The following STRAP variants were observed in gnomAD, a reference collection of about 807,000 sequenced individuals.
STRAP encodes serine/threonine kinase receptor associated protein.
Under a neutral mutation model 47.0 loss-of-function variants are expected in STRAP, and 16 were observed. The observed-to-expected ratio is 0.34, with a 90% CI of 0.23 to 0.52. The LOEUF is 0.52. Among genes scored for constraint, STRAP ranks in the 20% least tolerant of loss-of-function variants. The pLI is 0.96. For synonymous variants in STRAP, 130 were observed against 142.7 expected, an observed-to-expected ratio of 0.91 and a Z score of 0.63; for missense variants, 293 against 420.0, an observed-to-expected ratio of 0.70 and a Z score of 2.64.
chr12:15,902,036 G>T (rs893051884), intron 9 of STRAP, among the ~76,000 whole-genome samples: 3 of 151,986 alleles, frequency 2.0e-5, no homozygotes, highest in Non-Finnish European at 4.4e-5. Context: ...GAGTGCAGTG[G>T]CATGATCTCG....
Position 15,890,733 on chromosome 12 carries a change from G to T in STRAP, c.403+64G>T, listed in dbSNP as rs550390879. On this transcript the variant is annotated intron_variant, in intron 4 of 9. Transcript: ENST00000419869. The surrounding 1 kb of genome is among the most constrained non-coding windows in gnomAD (Gnocchi z 4.5). ...CTTTTAATTTAAATAACTGATTAAA[G>T]AATTTCATGCTCAGTACTCAAATTT... is the stretch of plus-strand genomic sequence containing the variant. The T allele has an allele frequency of 5.0e-6, 7 of 1,390,372 alleles. 1 individual carries two copies. In the African/African-American group the frequency reaches 5.9e-5, roughly 12 times the overall value. 86.1% of individuals were successfully genotyped at this position (1,390,372 alleles called of 1,614,324 possible).
chr12:15,883,071 C>T (rs1421938723), intron 1 of STRAP: 1 of 1,535,612 alleles, frequency 6.5e-7, no homozygotes, highest in Middle Eastern at 1.7e-4. Context: ...ATTTTTATTG[C>T]TATTTTTGAA....
chr12:15,890,035 G>T lies in STRAP; in HGVS notation c.330+26G>T. 6.2e-7 allele frequency: 1 copy of T among 1,605,002 alleles called. No homozygotes were observed. Among genetic ancestry groups the T allele is most frequent in the African/African-American group, 1.3e-5 (1 of 74,838 alleles). ...GTATCAGAAAATGGAATTTATTTTA[G>T]CGAGTTAAGTTGCTGGTACATAGTG... On this transcript the variant is annotated intron_variant, in intron 3 of 9. Coordinates refer to ENST00000419869, the MANE Select transcript of STRAP (RefSeq NM_007178.4). The surrounding 1 kb of genome is among the most constrained non-coding windows in gnomAD (Gnocchi z 4.5).
chr12:15,897,633 A>C (rs913623604), intron 6 of STRAP, among the ~76,000 whole-genome samples: 1 of 151,954 alleles, frequency 6.6e-6, no homozygotes, highest in African/African-American at 2.4e-5. Flanking sequence ...GAAGACATCC[A>C]CTGCATAAAC....
intron 4 of STRAP, among the ~76,000 whole-genome samples, chr12:15,892,988 C>A (rs1055050830): frequency 6.6e-6 from 1 of 152,108 alleles, no homozygotes; most frequent in African/African-American, 2.4e-5. Flanking sequence ...AAGCCCTATT[C>A]GCATTTGTAA....
At chr12:15,884,640 C>G (rs1262005309) in intron 2 of STRAP, among the ~76,000 whole-genome samples, 1 of 151,970 alleles carries the variant, frequency 6.6e-6, no homozygotes, top group Non-Finnish European at 1.5e-5. Flanking sequence ...AAACTCTTGG[C>G]CTCCATGCCT....
chr12:15,897,010 C>T (rs1374011399), intron 6 of STRAP, among the ~76,000 whole-genome samples: 1 of 152,188 alleles, frequency 6.6e-6, no homozygotes, highest in East Asian at 1.9e-4. Context: ...CTGGAGCCAT[C>T]AATTGGTTTA....
chr12:15,889,813 A>T (rs1044413849), intron 2 of STRAP, 115 bp from the exon 3 acceptor site: 1 of 709,252 alleles, frequency 1.4e-6, no homozygotes, highest in African/African-American at 1.8e-5. Context: ...TAATACATTT[A>T]TGTAACATTT....
chr12:15,900,105 T>A lies in STRAP; in HGVS notation c.925+52T>A, dbSNP rs543283895. 1.0e-4 allele frequency: 150 copies of A among 1,489,904 alleles called. 3 individuals carry two copies. In the South Asian group the frequency reaches 1.5e-3, roughly 15 times the overall value. The allele number at this position is 1,489,904 out of a possible 1,614,324, so 92.3% of individuals were successfully genotyped here. On this transcript the variant is annotated intron_variant, in intron 8 of 9. Coordinates refer to ENST00000419869, the MANE Select transcript of STRAP (RefSeq NM_007178.4). ...AATTTTTAAAATGCATGATTTTATGTCATTTTTAATCATTAATTTTATTTC... is the reference window on the plus strand; with the variant it reads ...AATTTTTAAAATGCATGATTTTATGACATTTTTAATCATTAATTTTATTTC...
At chr12:15,900,752 A>G (rs953337276) in intron 8 of STRAP, 195 bp from the exon 9 acceptor site, 8 of 390,082 alleles carry the variant, frequency 2.1e-5, no homozygotes, top group African/African-American at 1.5e-4. Context: ...AAGTAGTTGC[A>G]GTATGAACCT....
chr12:15,898,238 C>A (rs933495419), intron 7 of STRAP: 2 of 268,676 alleles, frequency 7.4e-6, no homozygotes, highest in Admixed American at 5.6e-5. Context: ...AGAAATTTAT[C>A]CTTTTAACTA....
chr12:15,882,680 C>T lies in STRAP; in HGVS notation c.-28C>T, dbSNP rs370046609. On this transcript the variant is annotated 5_prime_UTR_variant, in exon 1 of 10. Coordinates refer to ENST00000419869, the MANE Select transcript of STRAP (RefSeq NM_007178.4). ...AAGACAACGACGACCCTCAGCTCGC[C>T]AGTCCGGTCGCTGGCTTCGCCGCCG... 3 of 1,585,218 alleles carry T rather than the reference C, an allele frequency of 1.9e-6. No individual in the cohort carries two copies. Among genetic ancestry groups the T allele is most frequent in the Non-Finnish European group, 2.6e-6 (3 of 1,164,896 alleles).
In STRAP at chr12:15,882,720, CAG is replaced by C; in HGVS notation, c.15_16del (p.Gln5HisfsTer14). 6.2e-7 allele frequency: 1 copy of C among 1,611,384 alleles called. No homozygotes were observed. Among genetic ancestry groups the C allele is most frequent in the East Asian group, 2.2e-5 (1 of 44,846 alleles). MAMR[Q>X]TPLTCSGHTR... is the part of the protein sequence containing the mutation. ...CTTCGCCGCCGCCATGGCAATGAGA[CAG>C]ACGCCGCTCACCTGCTCTGGCCACA... On this transcript the variant is annotated frameshift_variant, in exon 1 of 10. Transcript: ENST00000419869. LOFTEE classifies it high-confidence loss of function.
chr12:15,901,261 A>G (rs888948528), intron 9 of STRAP, among the ~76,000 whole-genome samples: 2 of 152,210 alleles, frequency 1.3e-5, no homozygotes, highest in African/African-American at 2.4e-5. Context: ...TCAGAGCTAG[A>G]GTCTAACTTA....
chr12:15,901,864 A>C (rs1378448560), intron 9 of STRAP, among the ~76,000 whole-genome samples: 1 of 150,682 alleles, frequency 6.6e-6, no homozygotes, highest in African/African-American at 2.4e-5. Context: ...CTGTCTCAAA[A>C]AAAAAAAAAA....
chr12:15,901,252 C>A (rs1192618898), intron 9 of STRAP, among the ~76,000 whole-genome samples: 1 of 152,080 alleles, frequency 6.6e-6, no homozygotes, highest in Admixed American at 6.6e-5. Context: ...GTTACTCTTT[C>A]AGAGCTAGAG....
In STRAP at chr12:15,903,009, C is replaced by G; in HGVS notation, c.*31C>G. 1 of 1,365,032 alleles carries G rather than the reference C, an allele frequency of 7.3e-7. No individual in the cohort carries two copies. The highest frequency in any genetic ancestry group is 9.5e-7 in the Non-Finnish European group (1 of 1,050,612). 84.6% of individuals were successfully genotyped at this position (1,365,032 alleles called of 1,614,324 possible). On this transcript the variant is annotated 3_prime_UTR_variant, in exon 10 of 10. Coordinates refer to ENST00000419869, the MANE Select transcript of STRAP (RefSeq NM_007178.4). ...AATCATATGTGCAGTTAGTATACAA[C>G]TGACTAAAACAAGCAAGCAGAGAAA...
intron 4 of STRAP, among the ~76,000 whole-genome samples, chr12:15,891,375 A>G (rs190124295): frequency 6.6e-6 from 1 of 152,328 alleles, no homozygotes. Flanking sequence ...TATATTAGCT[A>G]TTCGAAAGAA....
At chr12:15,900,519 T>G (rs1948094532) in intron 8 of STRAP, among the ~76,000 whole-genome samples, 1 of 142,908 alleles carries the variant, frequency 7.0e-6, no homozygotes, top group South Asian at 2.1e-4. Flanking sequence ...TGACTCAGTC[T>G]CAAAAAAAAA....
Sources: gnomAD v4.1 joint callset for allele counts (sites outside exome capture counted in the v4.1 genomes callset) on GRCh38, gnomAD v4.1.1 for gene constraint, Gnocchi (gnomAD v3.1) non-coding constraint, MANE v1.5 for transcripts, NCBI Gene and HGNC (gene_info 2026-07-23, HGNC 2026-07-21) for gene names.